The following DCLK1 variants were observed in gnomAD, a reference collection of about 807,000 sequenced individuals.
The protein encoded by DCLK1 is serine/threonine-protein kinase DCLK1.
In DCLK1, 16 loss-of-function variants were observed where a neutral mutation model predicts 86.2. The observed-to-expected ratio is 0.19, with a 90% CI of 0.13 to 0.28. The LOEUF (loss-of-function observed/expected upper bound fraction) is 0.28. Ranked by LOEUF, DCLK1 falls within the 10% of genes least tolerant of loss-of-function variation. The probability of loss-of-function intolerance (pLI) is 1.00; values close to 1 mark genes in which losing one functional copy is unlikely to be tolerated. For missense variants in DCLK1, 590 were observed against 940.2 expected, an observed-to-expected ratio of 0.63 and a Z score of 4.87; for synonymous variants, 369 against 370.5, an observed-to-expected ratio of 1.00 and a Z score of 0.05.
chr13:36,087,152 G>A (rs1352854940), intron 3 of DCLK1, among the ~76,000 whole-genome samples: 4 of 152,054 alleles, frequency 2.6e-5, no homozygotes, highest in Admixed American at 6.6e-5. Context: ...TTTAATGATC[G>A]ATCGCCATTC....
chr13:36,036,007 T>C (rs1882474609), intron 3 of DCLK1, among the ~76,000 whole-genome samples: 1 of 152,080 alleles, frequency 6.6e-6, no homozygotes, highest in Non-Finnish European at 1.5e-5. Context: ...GAGGCAGGAC[T>C]TGGACACTGG....
rs568048338 is a variant in DCLK1 at position 35,769,156 on chromosome 13, C to A, written c.*5379G>T. 1 of 152,312 alleles carries A rather than the reference C, an allele frequency of 6.6e-6. No homozygotes were observed. The highest frequency in any genetic ancestry group is 2.1e-4 in the South Asian group (1 of 4,822). The allele number at this position is 152,312 out of a possible 1,614,324, so 9.4% of individuals were successfully genotyped here. A position where few individuals can be genotyped will look rare whatever the true frequency, so the allele number is the denominator to read the frequency against. ...AGGATTAGGGGGAAAAATTGGATCTCATTCCACCTTTAATTAAGGACACAA... is the reference window on the plus strand; with the variant it reads ...AGGATTAGGGGGAAAAATTGGATCTAATTCCACCTTTAATTAAGGACACAA... On this transcript the variant is annotated 3_prime_UTR_variant, in exon 17 of 17. Transcript: ENST00000360631.
At chr13:35,899,931 GA>G (rs1236256235) in intron 4 of DCLK1, among the ~76,000 whole-genome samples, 1 of 152,116 alleles carries the variant, frequency 6.6e-6, no homozygotes, top group Non-Finnish European at 1.5e-5. Context: ...GTTAAAAAAT[GA>G]ACATATATTT....
chr13:35,982,908 C>G (rs1477796245), intron 3 of DCLK1, among the ~76,000 whole-genome samples: 1 of 151,724 alleles, frequency 6.6e-6, no homozygotes, highest in African/African-American at 2.4e-5. Context: ...ATTACAAGCA[C>G]CCGCCACCAC....
At chr13:35,971,414 C>G (rs1879052971) in intron 3 of DCLK1, among the ~76,000 whole-genome samples, 1 of 152,174 alleles carries the variant, frequency 6.6e-6, no homozygotes, top group Admixed American at 6.5e-5. Context: ...CTTGATGACA[C>G]TCCCCTGAGA....
chr13:36,129,193 G>A (rs916303700), intron 1 of DCLK1, among the ~76,000 whole-genome samples: 4 of 152,142 alleles, frequency 2.6e-5, no homozygotes, highest in African/African-American at 7.2e-5. Flanking sequence ...AGTGCACATC[G>A]AATTCTCAGT....
chr13:35,848,696 G>A, intron 6 of DCLK1: 12 of 985,314 alleles, frequency 1.2e-5, no homozygotes, highest in Non-Finnish European at 1.4e-5. Context: ...GACAGTGCAG[G>A]GAAGTTAAAA....
chr13:36,108,946 G>C (rs1193605015), intron 3 of DCLK1, among the ~76,000 whole-genome samples: 3 of 152,186 alleles, frequency 2.0e-5, no homozygotes, highest in Non-Finnish European at 4.4e-5. Context: ...GGACAGCGTG[G>C]AGGAAACTGA....
intron 3 of DCLK1, among the ~76,000 whole-genome samples, chr13:35,956,700 G>A (rs914429675): frequency 2.6e-5 from 4 of 151,736 alleles, no homozygotes; most frequent in Non-Finnish European, 2.9e-5. Context: ...ATGGATGAGC[G>A]AAGGCTGGGG....
chr13:36,089,094 A>G (rs891793090), intron 3 of DCLK1, among the ~76,000 whole-genome samples: 9 of 152,214 alleles, frequency 5.9e-5, no homozygotes, highest in African/African-American at 2.2e-4. Context: ...TGGAGGTGAA[A>G]AGTCTGAAAT....
chr13:35,853,476 A>T (rs570659333), intron 6 of DCLK1, among the ~76,000 whole-genome samples: 151 of 152,288 alleles, frequency 9.9e-4, no homozygotes, highest in Middle Eastern at 3.4e-3. Flanking sequence ...ATGGGAACCA[A>T]CTGAATCTCC....
At chr13:36,054,134 T>C (rs1208474215) in intron 3 of DCLK1, among the ~76,000 whole-genome samples, 2 of 152,144 alleles carry the variant, frequency 1.3e-5, no homozygotes, top group Admixed American at 1.3e-4. Flanking sequence ...AAGGGCATAT[T>C]TGTTTCATCA....
intron 10 of DCLK1, 33 bp downstream of exon 10, chr13:35,827,602 A>G: frequency 1.9e-6 from 3 of 1,612,796 alleles, no homozygotes; most frequent in Non-Finnish European, 2.5e-6. Context: ...CGGTGCCATC[A>G]ATAAAGACTT....
In DCLK1 at chr13:36,045,550, C is replaced by A. The variant is rs114444755; in HGVS notation, c.723+66319G>T. ...CAAAATTTGACTTTGCATATTTGAG[C>A]TTTACAAATTTTGTCATCAGGTCGG... On this transcript the variant is annotated intron_variant, in intron 3 of 16. Coordinates refer to ENST00000360631, the MANE Select transcript of DCLK1 (RefSeq NM_001330071.2). Among the ~76,000 whole-genome samples the A allele has an allele frequency of 2.7e-3, 404 of 151,668 alleles. 1 individual carries two copies. Among genetic ancestry groups the A allele is most frequent in the African/African-American group, 9.1e-3 (377 of 41,408 alleles).
chr13:35,944,005 C>T (rs1877233004), intron 4 of DCLK1, among the ~76,000 whole-genome samples: 1 of 152,028 alleles, frequency 6.6e-6, no homozygotes, highest in Non-Finnish European at 1.5e-5. Flanking sequence ...GACGATATCG[C>T]TAAAATGGTT....
intron 3 of DCLK1, among the ~76,000 whole-genome samples, chr13:36,061,306 A>G (rs935232958): frequency 1.3e-5 from 2 of 152,212 alleles, no homozygotes; most frequent in Admixed American, 1.3e-4. Flanking sequence ...GCCCCAGCAC[A>G]TTCGAGAAGA....
At chr13:36,094,522 T>A (rs560061906) in intron 3 of DCLK1, among the ~76,000 whole-genome samples, 19 of 152,344 alleles carry the variant, frequency 1.2e-4, no homozygotes, top group African/African-American at 4.3e-4. Flanking sequence ...CCCCACTAAC[T>A]GCCAGTCATG....
intron 4 of DCLK1, among the ~76,000 whole-genome samples, chr13:35,926,467 G>A (rs905157410): frequency 6.6e-6 from 1 of 152,196 alleles, no homozygotes; most frequent in African/African-American, 2.4e-5. Context: ...AGCAGCCCTT[G>A]TACCATTTTC....
At chr13:35,777,398 TCA>T (rs2086441886) in intron 16 of DCLK1, among the ~76,000 whole-genome samples, 1 of 152,196 alleles carries the variant, frequency 6.6e-6, no homozygotes, top group Non-Finnish European at 1.5e-5. Flanking sequence ...GGAACAGAAC[TCA>T]GTCTTCTCCT....
Sources: gnomAD v4.1 joint callset for allele counts (sites outside exome capture counted in the v4.1 genomes callset) on GRCh38, gnomAD v4.1.1 for gene constraint, MANE v1.5 for transcripts, NCBI Gene and HGNC (gene_info 2026-07-23, HGNC 2026-07-21) for gene names.